TNNI3K: variants seen among roughly 807,000 people sequenced by gnomAD.
The protein encoded by TNNI3K is serine/threonine-protein kinase TNNI3K.
A neutral mutation model predicts 114.5 loss-of-function variants in TNNI3K; 140 were observed. The observed-to-expected ratio is 1.22, with a 90% CI of 1.07 to 1.41. The LOEUF (loss-of-function observed/expected upper bound fraction) is 1.41, where lower values mean the gene tolerates loss of function less well. Among genes scored for constraint, TNNI3K ranks in the 40% most tolerant of loss-of-function variants. The pLI, the probability that TNNI3K is intolerant of heterozygous loss-of-function variation, is 0.00. For missense variants in TNNI3K, 1,125 were observed against 1,007.6 expected, an observed-to-expected ratio of 1.12 and a Z score of -1.58; for synonymous variants, 347 against 347.5, an observed-to-expected ratio of 1.00 and a Z score of 0.02.
At chr1:74,525,283 G>T (rs547031280) in intron 23 of TNNI3K, among the ~76,000 whole-genome samples, 3 of 152,186 alleles carry the variant, frequency 2.0e-5, no homozygotes, top group African/African-American at 7.2e-5. Context: ...AGCGCTTTGC[G>T]TGTATACCAT....
intron 21 of TNNI3K, 51 bp downstream of exon 21, chr1:74,463,601 C>A: frequency 6.3e-7 from 1 of 1,590,748 alleles, no homozygotes; most frequent in Non-Finnish European, 8.6e-7. Context: ...CAAAATCTGT[C>A]ACAAATAGTA....
intron 3 of TNNI3K, 88 bp from the exon 4 acceptor site, chr1:74,250,584 T>C: frequency 8.1e-7 from 1 of 1,241,126 alleles, no homozygotes; most frequent in Non-Finnish European, 1.1e-6. Context: ...TTTATACAGC[T>C]GTATGGCATT....
intron 20 of TNNI3K, among the ~76,000 whole-genome samples, chr1:74,456,652 C>G (rs1487107305): frequency 6.6e-6 from 1 of 152,112 alleles, no homozygotes; most frequent in African/African-American, 2.4e-5. Flanking sequence ...AAGAGAGTCT[C>G]TTGTTTTCTT....
chr1:74,270,877 C>A (rs1656298316), intron 4 of TNNI3K, among the ~76,000 whole-genome samples: 1 of 150,680 alleles, frequency 6.6e-6, no homozygotes, highest in African/African-American at 2.5e-5. Context: ...CTGTTAATTG[C>A]TATTAATATT....
At chr1:74,263,280 A>C (rs1655784043) in intron 4 of TNNI3K, among the ~76,000 whole-genome samples, 1 of 152,024 alleles carries the variant, frequency 6.6e-6, no homozygotes, top group African/African-American at 2.4e-5. Flanking sequence ...TTTAGTCATA[A>C]ATACTCAACA....
chr1:74,461,832 G>A (rs1667467321), intron 20 of TNNI3K, among the ~76,000 whole-genome samples: 1 of 152,024 alleles, frequency 6.6e-6, no homozygotes, highest in African/African-American at 2.4e-5. Flanking sequence ...TATGAAATCT[G>A]GCAACTCATG....
chr1:74,447,180 A>G (rs1277440925), intron 20 of TNNI3K, among the ~76,000 whole-genome samples: 3 of 151,080 alleles, frequency 2.0e-5, no homozygotes, highest in African/African-American at 7.4e-5. Context: ...TGAGCATGGA[A>G]TGTTCTTCCA....
intron 20 of TNNI3K, among the ~76,000 whole-genome samples, chr1:74,441,057 A>G (rs1021045966): frequency 6.6e-6 from 1 of 152,088 alleles, no homozygotes; most frequent in Non-Finnish European, 1.5e-5. Flanking sequence ...CCTTTAAACC[A>G]CTGCAATAGT....
intron 23 of TNNI3K, among the ~76,000 whole-genome samples, chr1:74,511,458 T>A (rs1260323962): frequency 1.3e-5 from 2 of 152,166 alleles, no homozygotes; most frequent in Non-Finnish European, 2.9e-5. Context: ...TTTTCTTTAT[T>A]TAAAGAATTA....
intron 17 of TNNI3K, chr1:74,373,706 T>A (rs184124770): frequency 6.6e-6 from 1 of 151,950 alleles, no homozygotes; most frequent in East Asian, 1.9e-4. Flanking sequence ...ACTTGCCCAA[T>A]AACTTTTATA....
chr1:74,462,395 CT>C (rs964365424), intron 20 of TNNI3K, among the ~76,000 whole-genome samples: 3 of 152,182 alleles, frequency 2.0e-5, no homozygotes, highest in Non-Finnish European at 4.4e-5. Context: ...TGTCCTGGAA[CT>C]TTATCCTCTC....
At chr1:74,266,209 T>C (rs1356211752) in intron 4 of TNNI3K, among the ~76,000 whole-genome samples, 2 of 152,044 alleles carry the variant, frequency 1.3e-5, no homozygotes, top group Admixed American at 1.3e-4. Flanking sequence ...CTTGGAATTC[T>C]CTGGAGGCTT....
chr1:74,443,062 A>G (rs566020586), intron 20 of TNNI3K, among the ~76,000 whole-genome samples: 9 of 152,176 alleles, frequency 5.9e-5, no homozygotes, highest in Non-Finnish European at 1.2e-4. Context: ...AAAAGCTAGA[A>G]AGATCTCAAA....
intron 2 of TNNI3K, among the ~76,000 whole-genome samples, chr1:74,238,414 G>A (rs1047610264): frequency 2.6e-5 from 4 of 151,910 alleles, no homozygotes; most frequent in African/African-American, 9.7e-5. Flanking sequence ...CCCATAGTAA[G>A]CATTGAGTAG....
At chr1:74,350,795 C>A (rs1351091109) in intron 9 of TNNI3K, among the ~76,000 whole-genome samples, 4 of 152,062 alleles carry the variant, frequency 2.6e-5, no homozygotes, top group African/African-American at 9.7e-5. Context: ...CAACCCCTGC[C>A]TTTTTTTGTT....
chr1:74,458,207 T>A (rs753952348), intron 20 of TNNI3K, among the ~76,000 whole-genome samples: 4 of 152,148 alleles, frequency 2.6e-5, no homozygotes, highest in Non-Finnish European at 4.4e-5. Context: ...ATTTGCTCAA[T>A]GTCACATGCT....
rs1646759893 is a variant in TNNI3K at position 74,544,070 on chromosome 1, A to G, written c.*88A>G. The G allele has an allele frequency of 1.4e-6, 2 of 1,419,152 alleles. No homozygotes were observed. Among genetic ancestry groups the G allele is most frequent in the Non-Finnish European group, 1.9e-6 (2 of 1,040,744 alleles). The allele number at this position is 1,419,152 out of a possible 1,614,324, so 87.9% of individuals were successfully genotyped here. A position where few individuals can be genotyped will look rare whatever the true frequency, so the allele number is the denominator to read the frequency against. ...CGGCAAGCTGGCTTCCAACTATAAC[A>G]TTTTACTCTCAAAGGTCTCCTTAAA... On this transcript the variant is annotated 3_prime_UTR_variant, in exon 25 of 25. Coordinates refer to ENST00000326637, the MANE Select transcript of TNNI3K (RefSeq NM_015978.3).
At chr1:74,382,633 A>G (rs1663259848) in intron 17 of TNNI3K, among the ~76,000 whole-genome samples, 1 of 152,218 alleles carries the variant, frequency 6.6e-6, no homozygotes, top group African/African-American at 2.4e-5. Flanking sequence ...CAAGCTTCAC[A>G]GAATGATTAG....
intron 4 of TNNI3K, among the ~76,000 whole-genome samples, chr1:74,253,628 C>T (rs113633305): frequency 4.6e-5 from 7 of 152,064 alleles, no homozygotes; most frequent in East Asian, 3.9e-4. Flanking sequence ...ACTGGCCGGC[C>T]GCTCGGAGTG....
Sources: allele counts gnomAD v4.1 joint callset (sites outside exome capture counted in the v4.1 genomes callset), GRCh38; gene constraint gnomAD v4.1.1; transcripts MANE v1.5; gene names NCBI Gene and HGNC (gene_info 2026-07-23, HGNC 2026-07-21).